XPOT: variants seen among roughly 807,000 people sequenced by gnomAD.
XPOT encodes the protein exportin for tRNA.
XPOT carries 34 observed loss-of-function variants against 128.2 expected under a neutral mutation model. The ratio of observed to expected loss-of-function variants is 0.27; its 90% CI spans 0.20 to 0.35. The LOEUF (loss-of-function observed/expected upper bound fraction) is 0.35, where lower values mean the gene tolerates loss of function less well. Among genes scored for constraint, XPOT ranks in the 10% least tolerant of loss-of-function variants. The pLI is 1.00. For synonymous variants in XPOT, 348 were observed against 394.3 expected (o/e 0.88, Z 1.39); for missense variants, 838 against 1,125.3 (o/e 0.74, Z 3.65).
Position 64,421,473 on chromosome 12 carries a change from T to G in XPOT, c.1080+2T>G. The G allele has an allele frequency of 6.3e-7, 1 of 1,596,356 alleles. No homozygotes were observed. Among genetic ancestry groups the G allele is most frequent in the Non-Finnish European group, 8.6e-7 (1 of 1,164,356 alleles). On this transcript the variant is annotated splice_donor_variant, in intron 9 of 24. Transcript: ENST00000332707. LOFTEE classifies it high-confidence loss of function. ...GATTATCTTCATATTTTGAAACAGG[T>G]AAGTTTTTGTTTTATTCTTTTTGCT...
At chr12:64,405,890 A>G (rs1465476732) in intron 1 of XPOT, among the ~76,000 whole-genome samples, 1 of 152,152 alleles carries the variant, frequency 6.6e-6, no homozygotes, top group Non-Finnish European at 1.5e-5. Flanking sequence ...TGCTGGGATT[A>G]CAGGCGTGAG....
intron 22 of XPOT, among the ~76,000 whole-genome samples, chr12:64,438,908 C>A (rs1015558818): frequency 2.6e-5 from 4 of 152,178 alleles, no homozygotes; most frequent in African/African-American, 9.7e-5. Flanking sequence ...GGATTACAGG[C>A]ATGAGCCACT....
chr12:64,414,484 A>G (rs1224312475), intron 2 of XPOT, among the ~76,000 whole-genome samples: 1 of 152,150 alleles, frequency 6.6e-6, no homozygotes, highest in Non-Finnish European at 1.5e-5. Context: ...CACCGCTTTA[A>G]TAGCAGATGT....
chr12:64,414,814 A>T, intron 2 of XPOT, 93 bp from the exon 3 acceptor site: 2 of 764,794 alleles, frequency 2.6e-6, no homozygotes, highest in South Asian at 1.6e-5. Context: ...CTGATTTGTT[A>T]TAGGTTTGCA....
At chr12:64,420,281 A>C in intron 7 of XPOT, 27 bp downstream of exon 7, 1 of 1,591,718 alleles carries the variant, frequency 6.3e-7, no homozygotes, top group Non-Finnish European at 8.5e-7. Context: ...TTTTTATAGT[A>C]TAAACTTGTA....
At position 64,425,536 on chromosome 12, in the gene XPOT, A is replaced by G. The variant is rs1406900034; in HGVS notation, c.1572+79A>G. 35 of 1,533,598 alleles carry G rather than the reference A, an allele frequency of 2.3e-5. 1 individual carries two copies. In the South Asian group the frequency reaches 4.1e-4, roughly 18 times the overall value. The allele number at this position is 1,533,598 out of a possible 1,614,324, so 95.0% of individuals were successfully genotyped here. A position where few individuals can be genotyped will look rare whatever the true frequency, so the allele number is the denominator to read the frequency against. ...AGTGTAGTATTGTATTTTTCTGTCT[A>G]TAACTTTTCTCAGAATCAAAACCTC... On this transcript the variant is annotated intron_variant, in intron 14 of 24. Coordinates refer to ENST00000332707, the MANE Select transcript of XPOT (RefSeq NM_007235.6).
chr12:64,420,961 C>T (rs985668183), intron 8 of XPOT, among the ~76,000 whole-genome samples: 7 of 152,222 alleles, frequency 4.6e-5, no homozygotes, highest in African/African-American at 9.6e-5. Flanking sequence ...CCACTACACC[C>T]GGCAAATTTT....
chr12:64,405,478 G>A (rs1249484067), intron 1 of XPOT: 1 of 152,224 alleles, frequency 6.6e-6, no homozygotes, highest in Non-Finnish European at 1.5e-5. Flanking sequence ...AGTAGGTGTA[G>A]AGGAATTTTT....
In XPOT at chr12:64,409,969, T is replaced by C; in HGVS notation, c.-67T>C. Reference sequence around the variant, plus strand: ...CTTTGTTTTTTGTGGCAGATGTTTATAAATTCTTCTGTGGGATCAGAGGGC... The same window carrying C: ...CTTTGTTTTTTGTGGCAGATGTTTACAAATTCTTCTGTGGGATCAGAGGGC... On this transcript the variant is annotated 5_prime_UTR_variant, in exon 2 of 25. Transcript: ENST00000332707. The C allele has an allele frequency of 7.4e-7, 1 of 1,357,650 alleles. No homozygotes were observed. The highest frequency in any genetic ancestry group is 1.0e-6 in the Non-Finnish European group (1 of 957,424). 84.1% of individuals were successfully genotyped at this position (1,357,650 alleles called of 1,614,324 possible). A position where few individuals can be genotyped will look rare whatever the true frequency, so the allele number is the denominator to read the frequency against.
chr12:64,433,419 G>C lies in XPOT; in HGVS notation c.2268G>C (p.Gln756His). The change falls in exon 19 of 25, where the codon CAG (glutamine) becomes CAC (histidine). Residue 756 changes from glutamine (Q) to histidine (H), a missense_variant. By Grantham distance (24) the Gln-to-His change is conservative. Around this residue, in one of 3 missense-constraint regions of XPOT, gnomAD observed 761 missense variants for 988.3 expected, o/e 0.77. Coordinates refer to ENST00000332707, the MANE Select transcript of XPOT (RefSeq NM_007235.6). The stretch of plus-strand genomic sequence containing the variant: ...TAATGATTGTTTATCTTCAGATACA[G>C]GTATCCCCGTTTTTACAACAGATGT... ...INQITAKFKI[Q>H]VSPFLQQMFM... 2 of 1,539,366 alleles carry C rather than the reference G, an allele frequency of 1.3e-6. No homozygotes were observed. Among genetic ancestry groups the C allele is most frequent in the Non-Finnish European group, 1.8e-6 (2 of 1,136,696 alleles).
chr12:64,420,484 A>T lies in XPOT; in HGVS notation c.806A>T (p.Gln269Leu). The T allele has an allele frequency of 1.2e-6, 2 of 1,613,754 alleles. No homozygotes were observed. Among genetic ancestry groups the T allele is most frequent in the Non-Finnish European group, 1.7e-6 (2 of 1,179,858 alleles). ...ATGAAACTAGTGGAATCTTTGTGTC[A>T]AGTATTACAGTCTGCTGGGTTTTTC... ...DKMKLVESLCQVLQSAGFFSI... is the reference protein window; with the variant it reads ...DKMKLVESLCLVLQSAGFFSI... Residue 269 changes from glutamine to leucine, a missense_variant, in exon 8 of 25, where the codon CAA (glutamine) becomes CTA (leucine). Transcript: ENST00000332707.
At chr12:64,411,989 A>G (rs1436380533) in intron 2 of XPOT, among the ~76,000 whole-genome samples, 3 of 148,780 alleles carry the variant, frequency 2.0e-5, no homozygotes, top group Non-Finnish European at 3.0e-5. Context: ...CTTCCACGTT[A>G]TCTCTCCTCT....
At chr12:64,423,336 TA>T (rs2040158973) in intron 11 of XPOT, 92 bp downstream of exon 11, 1 of 850,252 alleles carries the variant, frequency 1.2e-6, no homozygotes, top group Non-Finnish European at 1.8e-6. Flanking sequence ...CGGGGCCCTT[TA>T]AAACATGAAG....
At chr12:64,431,900 C>A in intron 18 of XPOT, 77 bp downstream of exon 18, 1 of 1,480,084 alleles carries the variant, frequency 6.8e-7, no homozygotes, top group Non-Finnish European at 9.0e-7. Context: ...TCGGATTTTG[C>A]CCTTGGGTTT....
chr12:64,424,257 G>A (rs1258242465), intron 11 of XPOT, among the ~76,000 whole-genome samples: 1 of 152,146 alleles, frequency 6.6e-6, no homozygotes, highest in Non-Finnish European at 1.5e-5. Flanking sequence ...AACCTTCTTA[G>A]ACTATTTCTA....
intron 18 of XPOT, 146 bp from the exon 19 acceptor site, chr12:64,433,268 A>AT (rs908444428): frequency 1.3e-6 from 1 of 789,914 alleles, no homozygotes; most frequent in Non-Finnish European, 1.9e-6. Flanking sequence ...GGTTATATAG[A>AT]TTTTATCTTA....
chr12:64,450,032 G>A lies in XPOT; in HGVS notation c.*1901G>A, dbSNP rs548429636. ...TGGTAGCTACCTCAAACCTCATTACGAATTCAATGAGTTAAACTTGAAAAG... is the reference window on the plus strand; with the variant it reads ...TGGTAGCTACCTCAAACCTCATTACAAATTCAATGAGTTAAACTTGAAAAG... On this transcript the variant is annotated 3_prime_UTR_variant, in exon 25 of 25. Transcript: ENST00000332707. 6 of 152,222 alleles carry A rather than the reference G, an allele frequency of 3.9e-5. No individual in the cohort carries two copies. Among genetic ancestry groups the A allele is most frequent in the Non-Finnish European group, 7.4e-5 (5 of 68,008 alleles). The allele number at this position is 152,222 out of a possible 1,614,324, so 9.4% of individuals were successfully genotyped here. A position where few individuals can be genotyped will look rare whatever the true frequency, so the allele number is the denominator to read the frequency against.
At chr12:64,428,452 A>T (rs974693872) in intron 16 of XPOT, among the ~76,000 whole-genome samples, 2 of 152,202 alleles carry the variant, frequency 1.3e-5, no homozygotes, top group Non-Finnish European at 2.9e-5. Context: ...ATAAAAATTT[A>T]AAAAATTCAA....
At chr12:64,438,658 C>A (rs1348970181) in intron 22 of XPOT, among the ~76,000 whole-genome samples, 2 of 149,676 alleles carry the variant, frequency 1.3e-5, no homozygotes, top group South Asian at 4.2e-4. Flanking sequence ...GACAGAGTCT[C>A]GCTCTGTCAC....
Sources: gnomAD v4.1 joint callset for allele counts (sites outside exome capture counted in the v4.1 genomes callset) on GRCh38, gnomAD v4.1.1 for gene constraint, gnomAD v4.1.1 regional missense constraint, MANE v1.5 for transcripts, NCBI Gene and HGNC (gene_info 2026-07-23, HGNC 2026-07-21) for gene names.